PCCB: variants seen among roughly 807,000 people sequenced by gnomAD.
PCCB encodes propionyl-CoA carboxylase subunit beta, also known as propionyl-CoA carboxylase beta chain, mitochondrial.
Under a neutral mutation model 60.7 loss-of-function variants are expected in PCCB, and 43 were observed. That is an observed-to-expected ratio of 0.71 (90% confidence interval 0.55 to 0.91). The LOEUF is 0.91. PCCB is among the 40% of genes least tolerant of loss of function. The probability of loss-of-function intolerance (pLI) is 0.00; values close to 1 mark genes in which losing one functional copy is unlikely to be tolerated. For missense variants in PCCB, 766 were observed against 702.8 expected (o/e 1.09, Z -1.02); for synonymous variants, 276 against 255.9 (o/e 1.08, Z -0.75).
rs1459512063 is a variant in PCCB, at chr3:136,327,616, C to T, written c.1300-18C>T. Reference sequence around the variant, plus strand: ...GGCTGTCTCAGGCTCTAACACTCAGCATTTGGATCTGTTTTAGGCCTATGG... The same window carrying T: ...GGCTGTCTCAGGCTCTAACACTCAGTATTTGGATCTGTTTTAGGCCTATGG... On this transcript the variant is annotated intron_variant, in intron 12 of 14. Coordinates refer to ENST00000251654, the MANE Select transcript of PCCB (RefSeq NM_000532.5). 5 of 1,578,742 alleles carry T rather than the reference C, an allele frequency of 3.2e-6. No individual in the cohort carries two copies. Among genetic ancestry groups the T allele is most frequent in the East Asian group, 2.2e-5 (1 of 44,698 alleles).
At chr3:136,302,601 A>G (rs1934331790) in intron 9 of PCCB, among the ~76,000 whole-genome samples, 1 of 116,572 alleles carries the variant, frequency 8.6e-6, no homozygotes, top group Admixed American at 1.1e-4. Context: ...TTTAGGGTAC[A>G]TGTGCACAAT....
chr3:136,266,937 C>G (rs1291228569), intron 5 of PCCB, among the ~76,000 whole-genome samples: 1 of 152,202 alleles, frequency 6.6e-6, no homozygotes, highest in East Asian at 1.9e-4. Context: ...GGCTGGAGTT[C>G]AGTGGTGTGA....
At chr3:136,273,600 T>TC (rs1207805496) in intron 5 of PCCB, among the ~76,000 whole-genome samples, 1 of 135,074 alleles carries the variant, frequency 7.4e-6, no homozygotes, top group Non-Finnish European at 1.5e-5. Context: ...CTTTTTTCTT[T>TC]TTTTTTTTTT....
intron 1 of PCCB, among the ~76,000 whole-genome samples, chr3:136,255,142 G>A (rs1205551001): frequency 6.6e-6 from 1 of 152,048 alleles, no homozygotes; most frequent in African/African-American, 2.4e-5. Flanking sequence ...TCAAAGTGCT[G>A]GGATTACAGG....
intron 9 of PCCB, among the ~76,000 whole-genome samples, chr3:136,308,788 G>C (rs1324172923): frequency 2.0e-5 from 3 of 152,132 alleles, no homozygotes; most frequent in African/African-American, 4.8e-5. Flanking sequence ...AACAAAAGTA[G>C]CCTCCAGCCG....
chr3:136,278,403 A>G (rs986349367), intron 5 of PCCB, among the ~76,000 whole-genome samples: 1 of 152,138 alleles, frequency 6.6e-6, no homozygotes, highest in Non-Finnish European at 1.5e-5. Context: ...TTGGAAAAAG[A>G]GTCACCATGT....
chr3:136,323,467 C>T (rs1935179615), intron 10 of PCCB, among the ~76,000 whole-genome samples: 2 of 151,900 alleles, frequency 1.3e-5, no homozygotes. Flanking sequence ...TCCATGTTTT[C>T]CTTTACCTCT....
chr3:136,262,992 T>C (rs1941868214), intron 5 of PCCB, among the ~76,000 whole-genome samples: 2 of 148,028 alleles, frequency 1.4e-5, no homozygotes, highest in Non-Finnish European at 3.0e-5. Context: ...TCTGGCTCTG[T>C]CTCCCAGGTT....
chr3:136,275,149 C>T (rs900586002), intron 5 of PCCB, among the ~76,000 whole-genome samples: 1 of 152,008 alleles, frequency 6.6e-6, no homozygotes, highest in African/African-American at 2.4e-5. Flanking sequence ...TTATTTTTGT[C>T]TGATTGGGTT....
intron 7 of PCCB, 101 bp from the exon 8 acceptor site, chr3:136,297,851 C>A: frequency 1.5e-6 from 2 of 1,307,358 alleles, no homozygotes; most frequent in African/African-American, 1.4e-5. Context: ...TCAGCACGGT[C>A]TGCTACTGAC....
chr3:136,268,067 T>C (rs1304214785), intron 5 of PCCB, among the ~76,000 whole-genome samples: 8 of 114,162 alleles, frequency 7.0e-5, no homozygotes, highest in Non-Finnish European at 1.1e-4. Flanking sequence ...TGTGTGTGCG[T>C]GTGTGTGTGT....
intron 8 of PCCB, 47 bp from the exon 9 acceptor site, chr3:136,300,983 A>G (rs1186808846): frequency 7.1e-7 from 1 of 1,418,362 alleles, no homozygotes; most frequent in East Asian, 2.3e-5. Flanking sequence ...ACAAAAGGTA[A>G]CTGGCTCTTC....
chr3:136,323,646 G>A (rs372139043), intron 10 of PCCB, among the ~76,000 whole-genome samples: 21 of 152,156 alleles, frequency 1.4e-4, no homozygotes, highest in African/African-American at 2.4e-4. Context: ...TGAGCCGGAC[G>A]TGGCAGAGGG....
chr3:136,259,602 T>C (rs1295165981), intron 3 of PCCB, among the ~76,000 whole-genome samples: 1 of 152,226 alleles, frequency 6.6e-6, no homozygotes, highest in African/African-American at 2.4e-5. Flanking sequence ...TTTCTTTTTT[T>C]TCCTTTCAAA....
intron 14 of PCCB, 125 bp from the exon 15 acceptor site, chr3:136,329,780 C>A (rs1023486362): frequency 1.0e-6 from 1 of 987,750 alleles, no homozygotes; most frequent in Non-Finnish European, 1.6e-6. Flanking sequence ...CCTACCATCT[C>A]TGTATCAGGT....
rs559849840 is a variant in PCCB at position 136,297,940 on chromosome 3, C to G, written c.764-12C>G. On this transcript the variant is annotated splice_polypyrimidine_tract_variant and intron_variant, in intron 7 of 14. Transcript: ENST00000251654. ...ACCCTGACTCAATCATATATGCTCC[C>G]TGTTCTCTTAGGTGTGGCCCACAGA... 1.2e-6 allele frequency: 2 copies of G among 1,614,070 alleles called. No individual in the cohort carries two copies. The highest frequency in any genetic ancestry group is 2.2e-5 in the South Asian group (2 of 91,064).
Position 136,280,943 on chromosome 3 carries a change from C to T in PCCB, c.544-2894C>T, listed in dbSNP as rs749075368. 4.7e-4 allele frequency among the ~76,000 whole-genome samples: 72 copies of T among 152,212 alleles called. 1 individual carries two copies. The highest frequency in any genetic ancestry group is 7.8e-4 in the Non-Finnish European group (53 of 68,038). On this transcript the variant is annotated intron_variant, in intron 5 of 14. Coordinates refer to ENST00000251654, the MANE Select transcript of PCCB (RefSeq NM_000532.5). ...TGCTGGGATTACAGGTGTGAGCCAG[C>T]GCACCTGACTTTTCAGTACTTTAAA... is the stretch of plus-strand genomic sequence containing the variant.
At chr3:136,264,252 T>C (rs1265691613) in intron 5 of PCCB, among the ~76,000 whole-genome samples, 3 of 151,922 alleles carry the variant, frequency 2.0e-5, no homozygotes, top group Admixed American at 6.6e-5. Flanking sequence ...AATAAAGATA[T>C]TCTCTTAAAT....
rs768392066 is a variant in PCCB, at chr3:136,250,365, G to C, written c.-11G>C. 9.9e-6 allele frequency: 15 copies of C among 1,513,206 alleles called. No individual in the cohort carries two copies. Among genetic ancestry groups the C allele is most frequent in the African/African-American group, 1.4e-5 (1 of 72,466 alleles). 93.7% of individuals were successfully genotyped at this position (1,513,206 alleles called of 1,614,324 possible). On this transcript the variant is annotated 5_prime_UTR_variant, in exon 1 of 15. Coordinates refer to ENST00000251654, the MANE Select transcript of PCCB (RefSeq NM_000532.5). ...AGGTGCGCCGGTAGGGGACGCGCCG[G>C]CACAGCAAAAATGGCGGCGGCATTA...
Sources: gnomAD v4.1 joint callset for allele counts (sites outside exome capture counted in the v4.1 genomes callset) on GRCh38, gnomAD v4.1.1 for gene constraint, MANE v1.5 for transcripts, NCBI Gene and HGNC (gene_info 2026-07-23, HGNC 2026-07-21) for gene names.